The following TSPAN9 variants were observed in gnomAD, a reference collection of about 807,000 sequenced individuals.
TSPAN9 encodes tetraspanin 9.
A neutral mutation model predicts 31.0 loss-of-function variants in TSPAN9; 16 were observed. The observed-to-expected ratio is 0.52, with a 90% CI of 0.35 to 0.78. The LOEUF is 0.78. Ranked by LOEUF, TSPAN9 falls within the 30% of genes least tolerant of loss-of-function variation. The pLI, the probability that TSPAN9 is intolerant of heterozygous loss-of-function variation, is 0.01. For missense variants in TSPAN9, 272 were observed against 312.5 expected, an observed-to-expected ratio of 0.87 and a Z score of 0.98; for synonymous variants, 145 against 121.6, an observed-to-expected ratio of 1.19 and a Z score of -1.27.
chr12:3,106,124 G>A (rs2098314576), intron 2 of TSPAN9, among the ~76,000 whole-genome samples: 8 of 152,204 alleles, frequency 5.3e-5, no homozygotes, highest in Admixed American at 5.2e-4. Context: ...CCATGCTGTG[G>A]CTCTCACACA....
chr12:3,219,444 G>A (rs749267982), intron 3 of TSPAN9, among the ~76,000 whole-genome samples: 8 of 152,144 alleles, frequency 5.3e-5, no homozygotes, highest in Admixed American at 1.3e-4. Flanking sequence ...CCCATCTCCC[G>A]GTGTGGGTCG....
In TSPAN9 at chr12:3,107,948, C is replaced by A. The variant is rs1256201590; in HGVS notation, c.-18+24229C>A. On this transcript the variant is annotated intron_variant, in intron 2 of 8. Coordinates refer to ENST00000011898, the MANE Select transcript of TSPAN9 (RefSeq NM_006675.5). This position sits in a 1 kb window ranked among gnomAD's most constrained non-coding sequence, Gnocchi z 4.1. ...TGCTATTTATACTTTCAACTCTATT[C>A]CTAAACCCAGTAAGAAACTCCCCAA... Among the ~76,000 whole-genome samples, 1 of 152,178 alleles carries A rather than the reference C, an allele frequency of 6.6e-6. No individual in the cohort carries two copies. The highest frequency in any genetic ancestry group is 1.9e-4 in the East Asian group (1 of 5,194).
chr12:3,214,092 G>A (rs1207583193), intron 3 of TSPAN9, among the ~76,000 whole-genome samples: 1 of 152,194 alleles, frequency 6.6e-6, no homozygotes, highest in Non-Finnish European at 1.5e-5. Flanking sequence ...TGGGCAAACT[G>A]CTTCTGTCTC....
rs57874075 is a variant in TSPAN9 at position 3,222,371 on chromosome 12, G to A, written c.63+21115G>A. 7.5e-3 allele frequency among the ~76,000 whole-genome samples: 1,145 copies of A among 152,314 alleles called. 14 individuals carry two copies. Among genetic ancestry groups the A allele is most frequent in the African/African-American group, 0.026 (1,072 of 41,566 alleles). On this transcript the variant is annotated intron_variant, in intron 3 of 8. Coordinates refer to ENST00000011898, the MANE Select transcript of TSPAN9 (RefSeq NM_006675.5). ...AGATGCTGGCAGGCTTGGAAACCTC[G>A]TCCAGGTTGGACGGTGGTGGTAGCA...
intron 3 of TSPAN9, among the ~76,000 whole-genome samples, chr12:3,268,509 C>T: frequency 7.7e-6 from 1 of 129,652 alleles, no homozygotes; most frequent in East Asian, 2.3e-4. Context: ...TGCAGCCTGC[C>T]CTCTCTGTGT....
chr12:3,085,032 G>A lies in TSPAN9; in HGVS notation c.-18+1313G>A, dbSNP rs569117750. ...TTTGAGGCACCGCGTATCACTGGATGGTGCAGTGCCGCTAGGCACATGGGC... is the reference window on the plus strand; with the variant it reads ...TTTGAGGCACCGCGTATCACTGGATAGTGCAGTGCCGCTAGGCACATGGGC... On this transcript the variant is annotated intron_variant, in intron 2 of 8. Coordinates refer to ENST00000011898, the MANE Select transcript of TSPAN9 (RefSeq NM_006675.5). Among the ~76,000 whole-genome samples the A allele has an allele frequency of 3.9e-4, 59 of 152,318 alleles. 1 individual carries two copies. The South Asian group carries it at 0.012, about 30-fold the overall frequency.
chr12:3,170,591 TG>T lies in TSPAN9; in HGVS notation c.-17-30579del, dbSNP rs1052473448. Reference sequence around the variant, plus strand: ...AAGAGATCACTGAGTCAGTTCTGTGTGGGGGGGTCGTGATGGGGGAGCAGAT... The same window carrying T: ...AAGAGATCACTGAGTCAGTTCTGTGTGGGGGGTCGTGATGGGGGAGCAGAT... On this transcript the variant is annotated intron_variant, in intron 2 of 8. Coordinates refer to ENST00000011898, the MANE Select transcript of TSPAN9 (RefSeq NM_006675.5). This position sits in a 1 kb window ranked among gnomAD's most constrained non-coding sequence, Gnocchi z 4.4. Among the ~76,000 whole-genome samples, 1 of 146,510 alleles carries T rather than the reference TG, an allele frequency of 6.8e-6. No homozygotes were observed. The highest frequency in any genetic ancestry group is 1.5e-5 in the Non-Finnish European group (1 of 66,380).
chr12:3,103,406 T>C (rs568760498), intron 2 of TSPAN9, among the ~76,000 whole-genome samples: 1 of 151,114 alleles, frequency 6.6e-6, no homozygotes, highest in African/African-American at 2.5e-5. Context: ...TGCTCACTTA[T>C]GCTTTAGCTG....
chr12:3,282,911 TA>T, intron 8 of TSPAN9, 133 bp from the exon 9 acceptor site: 1 of 783,748 alleles, frequency 1.3e-6, no homozygotes, highest in Non-Finnish European at 2.1e-6. Flanking sequence ...CTTCATTCCA[TA>T]AGCATTTTCC....
chr12:3,255,396 T>C (rs3782786), intron 3 of TSPAN9, among the ~76,000 whole-genome samples: 2 of 152,284 alleles, frequency 1.3e-5, no homozygotes, highest in East Asian at 3.9e-4. Flanking sequence ...CATCACGTAA[T>C]GGGAGCAGCG....
intron 3 of TSPAN9, among the ~76,000 whole-genome samples, chr12:3,270,601 A>C (rs1394895400): frequency 6.6e-6 from 1 of 152,218 alleles, no homozygotes; most frequent in African/African-American, 2.4e-5. Context: ...GATGGGTAGC[A>C]CTTCAACAGG....
intron 3 of TSPAN9, among the ~76,000 whole-genome samples, chr12:3,206,619 AAAAG>A (rs746220035): frequency 5.0e-4 from 76 of 152,186 alleles, no homozygotes; most frequent in Non-Finnish European, 9.0e-4. Context: ...TAGTTTGAAA[AAAAG>A]AATCAGCGAA....
At chr12:3,094,629 G>A (rs966540479) in intron 2 of TSPAN9, among the ~76,000 whole-genome samples, 3 of 150,870 alleles carry the variant, frequency 2.0e-5, no homozygotes, top group South Asian at 2.1e-4. Flanking sequence ...CTCCGCTCCT[G>A]GGTTCAAGCG....
intron 2 of TSPAN9, among the ~76,000 whole-genome samples, chr12:3,089,509 G>A (rs113623198): frequency 0.082 from 12,408 of 151,560 alleles, 724 homozygotes; most frequent in East Asian, 0.22. Context: ...GTTGGCCAGG[G>A]TGGTCTCGAT....
intron 2 of TSPAN9, among the ~76,000 whole-genome samples, chr12:3,085,357 T>C (rs1041073375): frequency 1.3e-5 from 2 of 151,534 alleles, no homozygotes; most frequent in Non-Finnish European, 2.9e-5. Flanking sequence ...GAGGCCTGTA[T>C]GGCCTTGGGG....
intron 3 of TSPAN9, among the ~76,000 whole-genome samples, chr12:3,241,885 T>G (rs1488693697): frequency 1.3e-5 from 2 of 151,280 alleles, no homozygotes; most frequent in African/African-American, 2.4e-5. Context: ...TCCTCTCCCC[T>G]GCCCCCTCCC....
chr12:3,280,487 C>T lies in TSPAN9; in HGVS notation c.432+4C>T, dbSNP rs1040374613. ...CTGGAACATCATCCAGGCTGAGGTG[C>T]GGGCTGGGCCGCCCTGGTGGGGCCA... On this transcript the variant is annotated splice_donor_region_variant and intron_variant, in intron 6 of 8. Coordinates refer to ENST00000011898, the MANE Select transcript of TSPAN9 (RefSeq NM_006675.5). This position sits in a 1 kb window ranked among gnomAD's most constrained non-coding sequence, Gnocchi z 4.5. 15 of 1,609,954 alleles carry T rather than the reference C, an allele frequency of 9.3e-6. No individual in the cohort carries two copies. Among genetic ancestry groups the T allele is most frequent in the African/African-American group, 4.0e-5 (3 of 74,844 alleles).
chr12:3,271,719 C>T (rs1411739117), intron 3 of TSPAN9, among the ~76,000 whole-genome samples: 2 of 152,148 alleles, frequency 1.3e-5, no homozygotes, highest in Non-Finnish European at 1.5e-5. Context: ...TCTCTCCATG[C>T]AGAATTGGAG....
rs751816071 is a variant in TSPAN9, at chr12:3,278,544, AT to A, written c.189del (p.Ile63MetfsTer4). 3 of 1,614,178 alleles carry A rather than the reference AT, an allele frequency of 1.9e-6. No homozygotes were observed. The highest frequency in any genetic ancestry group is 2.5e-6 in the Non-Finnish European group (3 of 1,180,024). On this transcript the variant is annotated frameshift_variant, in exon 4 of 9. Coordinates refer to ENST00000011898, the MANE Select transcript of TSPAN9 (RefSeq NM_006675.5). LOFTEE classifies it high-confidence loss of function. ...AANLVIAIGT[I>X]VMVTGFLGCL... is the part of the protein sequence containing the mutation. ...CAACCTGGTCATTGCCATAGGCACC[AT>A]TGTCATGGTGACGGGCTTCCTCGGC...
Sources: gnomAD v4.1 joint callset for allele counts (sites outside exome capture counted in the v4.1 genomes callset) on GRCh38, gnomAD v4.1.1 for gene constraint, Gnocchi (gnomAD v3.1) non-coding constraint, MANE v1.5 for transcripts, NCBI Gene and HGNC (gene_info 2026-07-23, HGNC 2026-07-21) for gene names.